SORCS2: variants seen among roughly 807,000 people sequenced by gnomAD.
SORCS2 encodes the protein sortilin related VPS10 domain containing receptor 2.
In SORCS2, 100 loss-of-function variants were observed where a neutral mutation model predicts 141.6. That is an observed-to-expected ratio of 0.71 (90% CI 0.60 to 0.83). SORCS2 has a LOEUF of 0.83. Among genes scored for constraint, SORCS2 ranks in the 40% least tolerant of loss-of-function variants. SORCS2 has a pLI of 0.00. For synonymous variants in SORCS2, 789 were observed against 676.9 expected (o/e 1.17, Z -2.57); for missense variants, 1,646 against 1,560.2 (o/e 1.05, Z -0.93).
intron 1 of SORCS2, among the ~76,000 whole-genome samples, chr4:7,219,355 A>T (rs191789045): frequency 2.0e-5 from 3 of 152,248 alleles, no homozygotes; most frequent in Admixed American, 2.0e-4. Context: ...TCTAGGCCGC[A>T]TTCTAAGGAG....
At chr4:7,701,735 C>A (rs1338965035) in intron 12 of SORCS2, among the ~76,000 whole-genome samples, 1 of 152,184 alleles carries the variant, frequency 6.6e-6, no homozygotes, top group African/African-American at 2.4e-5. Flanking sequence ...ATGTCCTCCC[C>A]AGGGCCTTCT....
At chr4:7,698,502 C>T (rs1455700620) in intron 12 of SORCS2, among the ~76,000 whole-genome samples, 2 of 152,222 alleles carry the variant, frequency 1.3e-5, no homozygotes, top group Non-Finnish European at 2.9e-5. Flanking sequence ...ATGTTTGAAG[C>T]TTCTTAAAGG....
At chr4:7,645,533 A>G (rs955610135) in intron 4 of SORCS2, among the ~76,000 whole-genome samples, 4 of 152,050 alleles carry the variant, frequency 2.6e-5, no homozygotes, top group Non-Finnish European at 5.9e-5. Flanking sequence ...GTGGCATTCA[A>G]CAAGCACAGC....
At chr4:7,289,095 G>T (rs1429801288) in intron 1 of SORCS2, among the ~76,000 whole-genome samples, 1 of 152,186 alleles carries the variant, frequency 6.6e-6, no homozygotes, top group African/African-American at 2.4e-5. Context: ...GAAAACACCT[G>T]TTCAGTTCAT....
chr4:7,582,727 A>T (rs1469085514), intron 3 of SORCS2, among the ~76,000 whole-genome samples: 2 of 152,238 alleles, frequency 1.3e-5, no homozygotes, highest in African/African-American at 4.8e-5. Context: ...AGTGTCTTGC[A>T]ACCTCTTTCT....
chr4:7,441,208 G>C (rs1335242600), intron 2 of SORCS2, among the ~76,000 whole-genome samples: 1 of 152,178 alleles, frequency 6.6e-6, no homozygotes, highest in Non-Finnish European at 1.5e-5. Flanking sequence ...AGAAGGAGTT[G>C]TTGGCTGCTT....
Position 7,637,395 on chromosome 4 carries a change from C to A in SORCS2, c.649-933C>A, listed in dbSNP as rs572973264. 1.1e-4 allele frequency among the ~76,000 whole-genome samples: 16 copies of A among 152,320 alleles called. No homozygotes were observed. In the South Asian group the frequency reaches 1.7e-3, roughly 16 times the overall value. On this transcript the variant is annotated intron_variant, in intron 3 of 26. Coordinates refer to ENST00000507866, the MANE Select transcript of SORCS2 (RefSeq NM_020777.3). ...AGTGGGCCCCACCCCGTCACTCTCT[C>A]CCCGTCCGTCCCTGGTCCTGCTTTG...
At chr4:7,368,059 T>G (rs1722012633) in intron 1 of SORCS2, among the ~76,000 whole-genome samples, 1 of 152,224 alleles carries the variant, frequency 6.6e-6, no homozygotes, top group Non-Finnish European at 1.5e-5. Flanking sequence ...AGCTCCTTTT[T>G]TTACAGAGGA....
intron 2 of SORCS2, among the ~76,000 whole-genome samples, chr4:7,438,295 C>G (rs1231540039): frequency 6.6e-6 from 1 of 152,232 alleles, no homozygotes; most frequent in Non-Finnish European, 1.5e-5. Flanking sequence ...CTGTGCAGGT[C>G]TGACTGGGCT....
intron 19 of SORCS2, among the ~76,000 whole-genome samples, chr4:7,724,488 G>GGTA (rs2148879453): frequency 6.7e-6 from 1 of 148,272 alleles, no homozygotes; most frequent in South Asian, 2.2e-4. Context: ...TGGTGATGGT[G>GGTA]GTGGTGGTGA....
chr4:7,432,299 G>A (rs1232027125), intron 2 of SORCS2: 2 of 152,060 alleles, frequency 1.3e-5, no homozygotes, highest in African/African-American at 2.4e-5. Context: ...TGCACCGCCA[G>A]ACTCTCCTGG....
At chr4:7,688,447 C>T (rs1368925158) in intron 10 of SORCS2, among the ~76,000 whole-genome samples, 1 of 152,124 alleles carries the variant, frequency 6.6e-6, no homozygotes, top group East Asian at 1.9e-4. Context: ...CAATGTTTAC[C>T]ATTCTTATCA....
intron 1 of SORCS2, among the ~76,000 whole-genome samples, chr4:7,277,845 A>G (rs1715606866): frequency 6.6e-6 from 1 of 152,088 alleles, no homozygotes; most frequent in South Asian, 2.1e-4. Context: ...GGGGCTTTGG[A>G]CCTGATGGTG....
At chr4:7,296,684 GA>G (rs1181404908) in intron 1 of SORCS2, among the ~76,000 whole-genome samples, 1 of 152,238 alleles carries the variant, frequency 6.6e-6, no homozygotes. Context: ...CCCAGCCACT[GA>G]GAAGTGCGGG....
At chr4:7,638,187 A>T in intron 3 of SORCS2, 141 bp from the exon 4 acceptor site, 1 of 1,032,642 alleles carries the variant, frequency 9.7e-7, no homozygotes, top group Non-Finnish European at 1.4e-6. Flanking sequence ...TGAAGGGGAG[A>T]GGCACACCCG....
chr4:7,455,962 A>G (rs957541022), intron 2 of SORCS2, among the ~76,000 whole-genome samples: 1 of 152,180 alleles, frequency 6.6e-6, no homozygotes, highest in African/African-American at 2.4e-5. Flanking sequence ...GGGCTTAAAC[A>G]AGAGTAATTC....
chr4:7,675,210 G>A (rs7691806), intron 8 of SORCS2, among the ~76,000 whole-genome samples: 7,068 of 152,296 alleles, frequency 0.046, 544 homozygotes, highest in African/African-American at 0.16. Context: ...AAAACCTGGG[G>A]CTGAACCCGA....
chr4:7,709,485 A>G (rs1725685797), intron 14 of SORCS2, among the ~76,000 whole-genome samples: 1 of 152,186 alleles, frequency 6.6e-6, no homozygotes, highest in Non-Finnish European at 1.5e-5. Context: ...CTTTTAAGTT[A>G]TTTTTCAAGC....
intron 2 of SORCS2, among the ~76,000 whole-genome samples, chr4:7,498,976 C>T (rs796904996): frequency 1.2e-4 from 18 of 152,166 alleles, no homozygotes; most frequent in African/African-American, 3.9e-4. Flanking sequence ...AAGAGGGAGC[C>T]GGCTGAGGCT....
Sources: allele counts gnomAD v4.1 joint callset (sites outside exome capture counted in the v4.1 genomes callset), GRCh38; gene constraint gnomAD v4.1.1; transcripts MANE v1.5; gene names NCBI Gene and HGNC (gene_info 2026-07-23, HGNC 2026-07-21).